RABEP1: variants seen among roughly 807,000 people sequenced by gnomAD.
The protein encoded by RABEP1 is rabaptin, RAB GTPase binding effector protein 1, also known as rab GTPase-binding effector protein 1.
A neutral mutation model predicts 123.4 loss-of-function variants in RABEP1; 51 were observed. The observed-to-expected ratio is 0.41, with a 90% CI of 0.33 to 0.52. The LOEUF (loss-of-function observed/expected upper bound fraction) is 0.52, where lower values mean the gene tolerates loss of function less well. RABEP1 is among the 20% of genes least tolerant of loss of function. The pLI, the probability that RABEP1 is intolerant of heterozygous loss-of-function variation, is 0.16. For missense variants in RABEP1, 888 were observed against 996.3 expected, an observed-to-expected ratio of 0.89 and a Z score of 1.46; for synonymous variants, 347 against 355.2, an observed-to-expected ratio of 0.98 and a Z score of 0.26.
At chr17:5,284,176 T>A (rs1293646448) in intron 1 of RABEP1, 1 of 152,210 alleles carries the variant, frequency 6.6e-6, no homozygotes, top group Non-Finnish European at 1.5e-5. Context: ...CCTGCCTCTT[T>A]GAAGATATGA....
At chr17:5,361,840 T>G in intron 9 of RABEP1, 165 bp downstream of exon 9, 1 of 617,928 alleles carries the variant, frequency 1.6e-6, no homozygotes, top group South Asian at 2.1e-5. Flanking sequence ...ATAGTCTGCC[T>G]TGGGTATTCC....
At chr17:5,350,253 G>A (rs547225491) in intron 6 of RABEP1, among the ~76,000 whole-genome samples, 198 bp from the exon 7 acceptor site, 38 of 152,206 alleles carry the variant, frequency 2.5e-4, no homozygotes, top group African/African-American at 8.9e-4. Context: ...GGTGGCAGGC[G>A]CCTGTAGTCC....
chr17:5,363,125 C>T, intron 10 of RABEP1, 109 bp downstream of exon 10: 1 of 780,540 alleles, frequency 1.3e-6, no homozygotes, highest in Non-Finnish European at 2.2e-6. Context: ...TGAAGCATAT[C>T]CATCTTGTTA....
intron 5 of RABEP1, among the ~76,000 whole-genome samples, chr17:5,344,786 A>AAG (rs1466179402): frequency 6.7e-6 from 1 of 150,202 alleles, no homozygotes; most frequent in African/African-American, 2.4e-5. Context: ...AAAAAAAAAA[A>AAG]AAAAAAAAAG....
chr17:5,361,738 A>G, intron 9 of RABEP1, 63 bp downstream of exon 9: 1 of 1,383,530 alleles, frequency 7.2e-7, no homozygotes, highest in Non-Finnish European at 9.8e-7. Context: ...AAGCTCTGGG[A>G]TTTAGCGTTC....
chr17:5,297,651 G>T (rs949824866), intron 1 of RABEP1, among the ~76,000 whole-genome samples: 6 of 152,206 alleles, frequency 3.9e-5, no homozygotes, highest in African/African-American at 1.4e-4. Context: ...ATGAGCCAGT[G>T]TATAAAATAA....
chr17:5,287,845 G>A (rs2074994588), intron 1 of RABEP1, among the ~76,000 whole-genome samples: 1 of 151,944 alleles, frequency 6.6e-6, no homozygotes, highest in Admixed American at 6.6e-5. Flanking sequence ...CTGGGAGGTC[G>A]AGGCTGCAGT....
chr17:5,313,320 G>T (rs1403429910), intron 2 of RABEP1, among the ~76,000 whole-genome samples: 1 of 152,194 alleles, frequency 6.6e-6, no homozygotes, highest in Non-Finnish European at 1.5e-5. Context: ...CCAGCAGTAT[G>T]ATGCTGGCTA....
chr17:5,361,956 T>C lies in RABEP1; in HGVS notation c.1563+281T>C. 3 of 338,964 alleles carry C rather than the reference T, an allele frequency of 8.9e-6. No homozygotes were observed. In the South Asian group the frequency reaches 1.7e-4, roughly 19 times the overall value. The allele number at this position is 338,964 out of a possible 1,614,324, so 21.0% of individuals were successfully genotyped here. On this transcript the variant is annotated intron_variant, in intron 9 of 17. Coordinates refer to ENST00000537505, the MANE Select transcript of RABEP1 (RefSeq NM_004703.6). ...GTTGGAGCAATCTGCCTGACTAGCA[T>C]TGCGGAATTTAAGTTAGAGCAACCT...
chr17:5,383,316 A>T lies in RABEP1; in HGVS notation c.*93A>T. 2 of 1,016,312 alleles carry T rather than the reference A, an allele frequency of 2.0e-6. No individual in the cohort carries two copies. The highest frequency in any genetic ancestry group is 1.5e-6 in the Non-Finnish European group (1 of 663,980). The allele number at this position is 1,016,312 out of a possible 1,614,324, so 63.0% of individuals were successfully genotyped here. A position where few individuals can be genotyped will look rare whatever the true frequency, so the allele number is the denominator to read the frequency against. On this transcript the variant is annotated 3_prime_UTR_variant, in exon 18 of 18. Coordinates refer to ENST00000537505, the MANE Select transcript of RABEP1 (RefSeq NM_004703.6). ...TTATTTAACTCTTAACTGAAGAAAG[A>T]GAAGTCACAACAAAAGGAAGACTGG...
chr17:5,340,900 A>T (rs1907543005), intron 5 of RABEP1, among the ~76,000 whole-genome samples: 1 of 150,144 alleles, frequency 6.7e-6, no homozygotes, highest in African/African-American at 2.5e-5. Context: ...GTGAGCTGAG[A>T]TCTTGCCATT....
At position 5,353,712 on chromosome 17, in the gene RABEP1, G is replaced by T. The variant is rs193263633; in HGVS notation, c.964-647G>T. ...AAAAACCAAAAAATTAGCCAGGCAT[G>T]GTGGTGCATGCCTGTGATCCCGGCT... On this transcript the variant is annotated intron_variant, in intron 7 of 17. Coordinates refer to ENST00000537505, the MANE Select transcript of RABEP1 (RefSeq NM_004703.6). Among the ~76,000 whole-genome samples, 6 of 152,248 alleles carry T rather than the reference G, an allele frequency of 3.9e-5. No individual in the cohort carries two copies. The East Asian group carries it at 1.2e-3, about 29-fold the overall frequency.
In RABEP1 at chr17:5,378,249, A is replaced by T. The variant is rs1567555180; in HGVS notation, c.2271+17A>T. On this transcript the variant is annotated intron_variant, in intron 15 of 17. Coordinates refer to ENST00000537505, the MANE Select transcript of RABEP1 (RefSeq NM_004703.6). Reference sequence around the variant, plus strand: ...AAAGGACAGGTAAGTCGTGAGTTTCAAATTAATTCTATCAGCAACCAGTGG... The same window carrying T: ...AAAGGACAGGTAAGTCGTGAGTTTCTAATTAATTCTATCAGCAACCAGTGG... 6.4e-7 allele frequency: 1 copy of T among 1,557,428 alleles called. No individual in the cohort carries two copies. Among genetic ancestry groups the T allele is most frequent in the East Asian group, 2.2e-5 (1 of 44,584 alleles).
At chr17:5,341,524 G>C (rs977569400) in intron 5 of RABEP1, among the ~76,000 whole-genome samples, 6 of 152,112 alleles carry the variant, frequency 3.9e-5, no homozygotes, top group African/African-American at 1.4e-4. Flanking sequence ...AGTTTTTCCA[G>C]ACTTTCTGGA....
chr17:5,312,566 G>C (rs1182874921), intron 2 of RABEP1, among the ~76,000 whole-genome samples: 2 of 152,152 alleles, frequency 1.3e-5, no homozygotes, highest in Non-Finnish European at 2.9e-5. Context: ...ACTGACTGTG[G>C]TATGGAATGG....
At chr17:5,324,496 T>C (rs1905770134) in intron 2 of RABEP1, among the ~76,000 whole-genome samples, 1 of 152,088 alleles carries the variant, frequency 6.6e-6, no homozygotes, top group African/African-American at 2.4e-5. Flanking sequence ...AGGAAAACAC[T>C]TGGGAAACAG....
Position 5,384,488 on chromosome 17 carries a change from T to G in RABEP1, c.*1265T>G. 1 of 216,840 alleles carries G rather than the reference T, an allele frequency of 4.6e-6. No homozygotes were observed. Among genetic ancestry groups the G allele is most frequent in the Non-Finnish European group, 9.3e-6 (1 of 107,840 alleles). 13.4% of individuals were successfully genotyped at this position (216,840 alleles called of 1,614,324 possible). A position where few individuals can be genotyped will look rare whatever the true frequency, so the allele number is the denominator to read the frequency against. Reference sequence around the variant, plus strand: ...TGAGACTGGTTGCATAACAGCAGGGTACCTGAAAGAGCCTTCTGGGAGTTA... The same window carrying G: ...TGAGACTGGTTGCATAACAGCAGGGGACCTGAAAGAGCCTTCTGGGAGTTA... On this transcript the variant is annotated 3_prime_UTR_variant, in exon 18 of 18. Coordinates refer to ENST00000537505, the MANE Select transcript of RABEP1 (RefSeq NM_004703.6).
chr17:5,306,063 C>T (rs903098743), intron 1 of RABEP1, among the ~76,000 whole-genome samples: 1 of 152,144 alleles, frequency 6.6e-6, no homozygotes, highest in African/African-American at 2.4e-5. Flanking sequence ...CGATGCTTCT[C>T]GACTTACCAT....
intron 1 of RABEP1, among the ~76,000 whole-genome samples, chr17:5,302,547 C>T (rs2075144892): frequency 1.3e-5 from 2 of 151,212 alleles, no homozygotes; most frequent in African/African-American, 4.9e-5. Context: ...GGCCAGCTTA[C>T]CTTAGTCTAT....
Sources: gnomAD v4.1 joint callset for allele counts (sites outside exome capture counted in the v4.1 genomes callset) on GRCh38, gnomAD v4.1.1 for gene constraint, MANE v1.5 for transcripts, NCBI Gene and HGNC (gene_info 2026-07-23, HGNC 2026-07-21) for gene names.